L2HGDH: variants seen among roughly 807,000 people sequenced by gnomAD.
The protein encoded by L2HGDH is L-2-hydroxyglutarate dehydrogenase, mitochondrial.
A neutral mutation model predicts 51.5 loss-of-function variants in L2HGDH; 34 were observed. That is an observed-to-expected ratio of 0.66 (90% CI 0.50 to 0.88). The LOEUF (loss-of-function observed/expected upper bound fraction) is 0.88, where lower values mean the gene tolerates loss of function less well. Ranked by LOEUF, L2HGDH falls within the 40% of genes least tolerant of loss-of-function variation. L2HGDH has a pLI of 0.00. For synonymous variants in L2HGDH, 198 were observed against 197.9 expected (o/e 1.00, Z -0.01); for missense variants, 558 against 571.9 (o/e 0.98, Z 0.25).
At chr14:50,266,827 C>T (rs557638549) in intron 8 of L2HGDH, among the ~76,000 whole-genome samples, 1 of 152,018 alleles carries the variant, frequency 6.6e-6, no homozygotes, top group African/African-American at 2.4e-5. Flanking sequence ...ATGTGAAACC[C>T]TTTAGAGAGA....
At chr14:50,306,057 T>A (rs2030704403) in intron 1 of L2HGDH, among the ~76,000 whole-genome samples, 1 of 152,048 alleles carries the variant, frequency 6.6e-6, no homozygotes, top group Admixed American at 6.6e-5. Context: ...GACTTTTTTT[T>A]TTTTTTTTCG....
In L2HGDH at chr14:50,302,186, CAG is replaced by C; in HGVS notation, c.257-20_257-19del. 1.2e-6 allele frequency: 2 copies of C among 1,613,182 alleles called. No homozygotes were observed. The highest frequency in any genetic ancestry group is 1.7e-6 in the Non-Finnish European group (2 of 1,179,244). ...GTGAACAGCTACAGAACAAGAGAAA[CAG>C]GGTAAGAGTAAGTACATGATTCATA... On this transcript the variant is annotated intron_variant, in intron 2 of 9. Transcript: ENST00000267436.
rs1185479305 is a variant in L2HGDH, at chr14:50,269,324, C to T, written c.745G>A (p.Glu249Lys). Residue 249 changes from glutamate to lysine, a missense_variant, in exon 7 of 10, where the codon GAA (glutamate) becomes AAA (lysine). This residue lies in a region of L2HGDH where 321 missense variants were observed against 311.8 expected (regional missense o/e 1.03). Transcript: ENST00000267436. ...PIVIKNTKGE[E>K]IRCQYVVTCA... Reference sequence around the variant, plus strand: ...GTCACAACATACTGACATCGAATTTCCTCTCCCTAGTGCAAAATAAAAGAA... The same window carrying T: ...GTCACAACATACTGACATCGAATTTTCTCTCCCTAGTGCAAAATAAAAGAA... The T allele has an allele frequency of 1.2e-6, 2 of 1,613,922 alleles. No homozygotes were observed. The highest frequency in any genetic ancestry group is 4.5e-5 in the East Asian group (2 of 44,872).
At chr14:50,295,885 C>T (rs2030012615) in intron 3 of L2HGDH, among the ~76,000 whole-genome samples, 1 of 151,686 alleles carries the variant, frequency 6.6e-6, no homozygotes, top group Non-Finnish European at 1.5e-5. Context: ...ATTACAGACG[C>T]CTGCCACCAT....
chr14:50,268,995 C>G (rs539345512), intron 7 of L2HGDH, among the ~76,000 whole-genome samples, 168 bp downstream of exon 7: 1 of 152,054 alleles, frequency 6.6e-6, no homozygotes, highest in East Asian at 1.9e-4. Flanking sequence ...AACCATGATA[C>G]AGGGATAAAG....
chr14:50,254,999 G>T (rs745385119), intron 9 of L2HGDH, among the ~76,000 whole-genome samples: 6 of 152,038 alleles, frequency 3.9e-5, no homozygotes, highest in Admixed American at 1.3e-4. Context: ...GTTGAGCTGT[G>T]ATCACACCAC....
At chr14:50,272,754 C>T (rs1411881650) in intron 6 of L2HGDH, among the ~76,000 whole-genome samples, 1 of 152,162 alleles carries the variant, frequency 6.6e-6, no homozygotes, top group African/African-American at 2.4e-5. Context: ...GTCCTGCTGG[C>T]ACACGTAAGT....
At chr14:50,261,472 T>G (rs1207122154) in intron 9 of L2HGDH, among the ~76,000 whole-genome samples, 2 of 152,130 alleles carry the variant, frequency 1.3e-5, no homozygotes, top group African/African-American at 4.8e-5. Flanking sequence ...CAGAACAAAT[T>G]TTTAAAGTTT....
At chr14:50,287,320 TAAAGCCTTAACAAGGATACACA>T (rs1446812310) in intron 4 of L2HGDH, 2 of 984,436 alleles carry the variant, frequency 2.0e-6, no homozygotes, top group Non-Finnish European at 2.4e-6. Flanking sequence ...TTTTTCTCTT[TAAAGCCTTAACAAGGATACACA>T]ACAGGCAACA....
chr14:50,295,220 T>C (rs1256469658), intron 3 of L2HGDH, among the ~76,000 whole-genome samples: 1 of 152,146 alleles, frequency 6.6e-6, no homozygotes, highest in African/African-American at 2.4e-5. Context: ...AATTGTTTTT[T>C]AAAATGTGGC....
rs967320453 is a variant in L2HGDH at position 50,243,886 on chromosome 14, T to G, written c.*3172A>C. 7.6e-6 allele frequency: 1 copy of G among 131,492 alleles called. No individual in the cohort carries two copies. The highest frequency in any genetic ancestry group is 1.6e-5 in the Non-Finnish European group (1 of 63,560). 8.1% of individuals were successfully genotyped at this position (131,492 alleles called of 1,614,324 possible). On this transcript the variant is annotated 3_prime_UTR_variant, in exon 10 of 10. Transcript: ENST00000267436. ...TGTGATGTTCCCCTTCCTGTGTCCA[T>G]GTGTTCTCATTGTTCAATTCCCATC...
chr14:50,255,811 T>C (rs1270677657), intron 9 of L2HGDH, among the ~76,000 whole-genome samples: 3 of 152,050 alleles, frequency 2.0e-5, no homozygotes, highest in Non-Finnish European at 2.9e-5. Context: ...GTGGATCGCT[T>C]GAGGTCAGGA....
At chr14:50,250,970 C>T (rs1399809149) in intron 9 of L2HGDH, among the ~76,000 whole-genome samples, 1 of 152,198 alleles carries the variant, frequency 6.6e-6, no homozygotes, top group Non-Finnish European at 1.5e-5. Context: ...CACCAAAGAA[C>T]ATCTACTAGC....
In L2HGDH at chr14:50,292,497, G is replaced by A. The variant is rs183602360; in HGVS notation, c.540+1618C>T. Among the ~76,000 whole-genome samples, 236 of 151,938 alleles carry A rather than the reference G, an allele frequency of 1.6e-3. 1 individual carries two copies. Among genetic ancestry groups the A allele is most frequent in the African/African-American group, 4.8e-3 (200 of 41,466 alleles). On this transcript the variant is annotated intron_variant, in intron 4 of 9. Coordinates refer to ENST00000267436, the MANE Select transcript of L2HGDH (RefSeq NM_024884.3). ...CGAGGCTGGAGGATCACCTGAGGTC[G>A]GGAGTTCAAGACCAGCCTGACCAAC... is the stretch of plus-strand genomic sequence containing the variant.
intron 1 of L2HGDH, among the ~76,000 whole-genome samples, chr14:50,304,311 T>C (rs1359913187): frequency 6.6e-6 from 1 of 152,260 alleles, no homozygotes; most frequent in East Asian, 1.9e-4. Context: ...CTATACTTTG[T>C]GTTAAGCATA....
chr14:50,311,963 C>G, intron 1 of L2HGDH, 48 bp downstream of exon 1: 2 of 1,540,640 alleles, frequency 1.3e-6, no homozygotes, highest in Admixed American at 2.0e-5. Context: ...CAGGTGCCTC[C>G]GCGAGGGGCA....
intron 1 of L2HGDH, 137 bp from the exon 2 acceptor site, chr14:50,303,154 T>TG (rs2030515056): frequency 1.6e-6 from 1 of 613,272 alleles, no homozygotes; most frequent in Non-Finnish European, 3.0e-6. Flanking sequence ...CCGGTCGCAG[T>TG]GGCTCACACC....
intron 9 of L2HGDH, among the ~76,000 whole-genome samples, chr14:50,256,069 A>G (rs1304903884): frequency 6.6e-6 from 1 of 152,194 alleles, no homozygotes; most frequent in African/African-American, 2.4e-5. Context: ...ACATACATTC[A>G]TGAGAAGTCT....
At chr14:50,262,729 A>G (rs746943079) in intron 9 of L2HGDH, among the ~76,000 whole-genome samples, 2 of 152,142 alleles carry the variant, frequency 1.3e-5, no homozygotes, top group Non-Finnish European at 2.9e-5. Context: ...TAAAACTTAT[A>G]CAAATGGTAT....
Sources: allele counts gnomAD v4.1 joint callset (sites outside exome capture counted in the v4.1 genomes callset), GRCh38; gene constraint gnomAD v4.1.1; regional missense constraint gnomAD v4.1.1; transcripts MANE v1.5; gene names NCBI Gene and HGNC (gene_info 2026-07-23, HGNC 2026-07-21).